The following TMLHE variants were observed in gnomAD, a reference collection of about 807,000 sequenced individuals.
TMLHE encodes trimethyllysine dioxygenase, mitochondrial.
Under a neutral mutation model 25.7 loss-of-function variants are expected in TMLHE, and 18 were observed. The observed-to-expected ratio is 0.70, with a 90% CI of 0.48 to 1.04. The LOEUF is 1.04. TMLHE is among the 50% of genes least tolerant of loss of function. The pLI, the probability that TMLHE is intolerant of heterozygous loss-of-function variation, is 0.00. For synonymous variants in TMLHE, 105 were observed against 97.0 expected, an observed-to-expected ratio of 1.08 and a Z score of -0.49; for missense variants, 236 against 259.0, an observed-to-expected ratio of 0.91 and a Z score of 0.61.
intron 2 of TMLHE, among the ~76,000 whole-genome samples, chrX:155,533,100 C>G (rs190180568): frequency 9.0e-6 from 1 of 111,280 alleles, no homozygotes; most frequent in African/African-American, 3.3e-5. Flanking sequence ...TTCTGCAATG[C>G]GGGAATAATT....
chrX:155,509,396 T>A (rs2067093551), intron 5 of TMLHE, among the ~76,000 whole-genome samples: 1 of 111,827 alleles, frequency 8.9e-6, no homozygotes, highest in African/African-American at 3.2e-5. Flanking sequence ...AATCTGGGTC[T>A]GGTTGATGCC....
At chrX:155,510,612 G>C (rs1466154600) in intron 5 of TMLHE, among the ~76,000 whole-genome samples, 1 of 109,583 alleles carries the variant, frequency 9.1e-6, no homozygotes, top group Non-Finnish European at 1.9e-5. Context: ...GTATTCCATG[G>C]TGTATATGTG....
At chrX:155,584,415 AAG>A (rs1557345033) in intron 1 of TMLHE, among the ~76,000 whole-genome samples, 1 of 111,469 alleles carries the variant, frequency 9.0e-6, no homozygotes, top group Non-Finnish European at 1.9e-5. Context: ...CTCAAGGCTG[AAG>A]AGAGAACAAA....
intron 1 of TMLHE, among the ~76,000 whole-genome samples, chrX:155,554,663 T>G (rs1048886184): frequency 3.6e-5 from 4 of 110,087 alleles, no homozygotes; most frequent in Non-Finnish European, 7.6e-5. Context: ...CACGAACTGA[T>G]GCTTGTGACA....
chrX:155,545,747 T>C (rs929891865), intron 1 of TMLHE, among the ~76,000 whole-genome samples: 1 of 111,527 alleles, frequency 9.0e-6, no homozygotes, highest in Non-Finnish European at 1.9e-5. Context: ...TATGTTACAA[T>C]TGCCTACAGT....
intron 1 of TMLHE, among the ~76,000 whole-genome samples, chrX:155,547,070 C>A (rs980372999): frequency 2.7e-5 from 3 of 111,181 alleles, no homozygotes; most frequent in Admixed American, 9.5e-5. Flanking sequence ...CCCACTACAT[C>A]GAAAAATCTC....
At chrX:155,591,665 T>C (rs185509961) in intron 1 of TMLHE, among the ~76,000 whole-genome samples, 20 of 111,807 alleles carry the variant, frequency 1.8e-4, no homozygotes, top group Admixed American at 1.3e-3. Flanking sequence ...TCACACCTAT[T>C]AGAATGGCTA....
In TMLHE at chrX:155,612,775, C is replaced by G. The variant is rs1480634401; in HGVS notation, c.-2+17G>C. On this transcript the variant is annotated intron_variant, in intron 1 of 7. Transcript: ENST00000334398. The stretch of plus-strand genomic sequence containing the variant: ...CCATGGGGACACCCCTTCCCTGACC[C>G]ACGGGACGGAACCCACCTGTGCTGG... The G allele has an allele frequency of 8.9e-6, 1 of 112,327 alleles. No homozygotes were observed. Among genetic ancestry groups the G allele is most frequent in the Non-Finnish European group, 1.9e-5 (1 of 53,149 alleles). The allele number at this position is 112,327 out of a possible 1,213,427, so 9.3% of individuals were successfully genotyped here.
Position 155,543,356 on chromosome X carries a change from AC to A in TMLHE, c.181+1739del, listed in dbSNP as rs782211149. On this transcript the variant is annotated intron_variant, in intron 2 of 7. Coordinates refer to ENST00000334398, the MANE Select transcript of TMLHE (RefSeq NM_018196.4). ...TTAATGAATTCAGTAAAATCAACAT[AC>A]AAAAATCATTAATGCTTCTAAACCC... is the stretch of plus-strand genomic sequence containing the variant. Among the ~76,000 whole-genome samples, 3 of 112,145 alleles carry A rather than the reference AC, an allele frequency of 2.7e-5. No homozygotes were observed. In the South Asian group the frequency reaches 1.1e-3, roughly 41 times the overall value.
chrX:155,523,347 A>G (rs1305283215), intron 3 of TMLHE, among the ~76,000 whole-genome samples: 15 of 110,820 alleles, frequency 1.4e-4, no homozygotes, highest in African/African-American at 3.6e-4. Flanking sequence ...TTTTTTATAT[A>G]AGGTGTGAGA....
intron 1 of TMLHE, among the ~76,000 whole-genome samples, chrX:155,578,356 G>T (rs782526525): frequency 9.0e-6 from 1 of 111,579 alleles, no homozygotes; most frequent in African/African-American, 3.3e-5. Flanking sequence ...CACTAACCCA[G>T]TCCTATGCCC....
In TMLHE at chrX:155,514,240, A is replaced by G. The variant is rs1354157503; in HGVS notation, c.384T>C (p.Tyr128=). 8.3e-7 allele frequency: 1 copy of G among 1,206,176 alleles called. No homozygotes were observed. Among genetic ancestry groups the G allele is most frequent in the Middle Eastern group, 2.3e-4 (1 of 4,313 alleles). The change falls in exon 4 of 8, where the codon TAT becomes TAC. Residue 128 remains tyrosine, a synonymous_variant. Coordinates refer to ENST00000334398, the MANE Select transcript of TMLHE (RefSeq NM_018196.4). ...FTWPDGHVTK[Y]DLNWLVKNSY... ...TGTTTTTCACCAGCCAATTCAAATC[A>G]TATTTAGTCACATGACCATCTGGCC... is the stretch of plus-strand genomic sequence containing the variant.
In TMLHE at chrX:155,572,178, T is replaced by C. The variant is rs1272351533; in HGVS notation, c.-1-26901A>G. ...CAATGTGCAAAAATCACAAGCATTC[T>C]TATACACCAATAACAGACAAACTGA... is the stretch of plus-strand genomic sequence containing the variant. On this transcript the variant is annotated intron_variant, in intron 1 of 7. Transcript: ENST00000334398. 2.0e-3 allele frequency among the ~76,000 whole-genome samples: 111 copies of C among 56,181 alleles called. 26 individuals are homozygous for C. The highest frequency in any genetic ancestry group is 4.4e-3 in the African/African-American group (101 of 23,083). The allele number at this position is 56,181 out of a possible 115,157, so 48.8% of individuals were successfully genotyped here.
chrX:155,548,348 C>G (rs2067369855), intron 1 of TMLHE, among the ~76,000 whole-genome samples: 1 of 112,089 alleles, frequency 8.9e-6, no homozygotes, highest in South Asian at 3.7e-4. Flanking sequence ...AACCACCCAT[C>G]TGACAAGGGA....
chrX:155,524,732 A>G, intron 2 of TMLHE, 100 bp from the exon 3 acceptor site: 2 of 810,138 alleles, frequency 2.5e-6, no homozygotes, highest in Non-Finnish European at 3.4e-6. Context: ...CCAATAAGCA[A>G]TAAGGGTTGA....
In TMLHE at chrX:155,524,453, C is replaced by T; in HGVS notation, c.358+3G>A. ...AAGAAGATCAAGTCTCCTGTCCACT[C>T]ACAAGTGAAAAAGAGTGTGGTCTCA... On this transcript the variant is annotated splice_donor_region_variant and intron_variant, in intron 3 of 7. Coordinates refer to ENST00000334398, the MANE Select transcript of TMLHE (RefSeq NM_018196.4). 8.7e-7 allele frequency: 1 copy of T among 1,154,364 alleles called. No homozygotes were observed.
intron 1 of TMLHE, chrX:155,611,999 T>TA (rs2067825733): frequency 1.8e-5 from 2 of 112,006 alleles, no homozygotes; most frequent in South Asian, 7.4e-4. Flanking sequence ...GCGACTGAGT[T>TA]AAAGCACGCA....
In TMLHE at chrX:155,514,087, C is replaced by T. The variant is rs1557334316; in HGVS notation, c.537G>A (p.Lys179=). 1 of 1,211,124 alleles carries T rather than the reference C, an allele frequency of 8.3e-7. No homozygotes were observed. Among genetic ancestry groups the T allele is most frequent in the Admixed American group, 2.2e-5 (1 of 45,905 alleles). Residue 179 remains lysine (K), a synonymous_variant, in exon 4 of 8, where the codon AAG becomes AAA. Transcript: ENST00000334398. ...SFLETNEGLK[K]FLQNFLLYGI... The stretch of plus-strand genomic sequence containing the variant: ...CATAGAGCAGAAAGTTTTGCAGAAA[C>T]TTCTTCAGTCCCTCGTTGGTTTCTA...
chrX:155,572,914 A>G (rs1603075945), intron 1 of TMLHE, among the ~76,000 whole-genome samples: 5 of 57,868 alleles, frequency 8.6e-5, no homozygotes, highest in African/African-American at 2.1e-4. Flanking sequence ...ACCATTCAGG[A>G]CATAGGCATG....
Sources: gnomAD v4.1 joint callset for allele counts (sites outside exome capture counted in the v4.1 genomes callset) on GRCh38, gnomAD v4.1.1 for gene constraint, MANE v1.5 for transcripts, NCBI Gene and HGNC (gene_info 2026-07-23, HGNC 2026-07-21) for gene names.